ATP6V0E1: variants seen among roughly 807,000 people sequenced by gnomAD.
ATP6V0E1 encodes V-type proton ATPase subunit e 1.
ATP6V0E1 carries 4 observed loss-of-function variants against 11.6 expected under a neutral mutation model. The observed-to-expected ratio is 0.35, with a 90% confidence interval of 0.17 to 0.79. The LOEUF (loss-of-function observed/expected upper bound fraction) is 0.79. Ranked by LOEUF, ATP6V0E1 falls within the 30% of genes least tolerant of loss-of-function variation. ATP6V0E1 has a pLI of 0.54. For missense variants in ATP6V0E1, 105 were observed against 100.0 expected, an observed-to-expected ratio of 1.05 and a Z score of -0.21; for synonymous variants, 36 against 34.8, an observed-to-expected ratio of 1.04 and a Z score of -0.13.
At chr5:172,987,564 G>T (rs530231640) in intron 1 of ATP6V0E1, among the ~76,000 whole-genome samples, 1 of 151,692 alleles carries the variant, frequency 6.6e-6, no homozygotes, top group South Asian at 2.1e-4. Flanking sequence ...GATTACAGGT[G>T]TGAGCTGCCA....
At chr5:173,034,287 T>G (rs1473866363) in intron 3 of ATP6V0E1, 112 bp from the exon 4 acceptor site, 2 of 679,610 alleles carry the variant, frequency 2.9e-6, no homozygotes, top group African/African-American at 3.5e-5. Flanking sequence ...TCATATTTTG[T>G]TGAGCATCTG....
At chr5:172,996,561 C>CAA (rs55994987) in intron 2 of ATP6V0E1, among the ~76,000 whole-genome samples, 5 of 119,466 alleles carry the variant, frequency 4.2e-5, no homozygotes, top group African/African-American at 1.3e-4. Context: ...GACTCCGCCT[C>CAA]AAAAAAAAAA....
intron 2 of ATP6V0E1, among the ~76,000 whole-genome samples, chr5:172,998,190 CT>C (rs999790390): frequency 0.022 from 2,329 of 104,862 alleles, 16 homozygotes; most frequent in Middle Eastern, 0.057. Flanking sequence ...AAAATTTAGT[CT>C]TTTTTTTTTT....
intron 3 of ATP6V0E1, among the ~76,000 whole-genome samples, chr5:173,031,692 G>T (rs1343984425): frequency 6.6e-6 from 1 of 151,566 alleles, no homozygotes; most frequent in Non-Finnish European, 1.5e-5. Flanking sequence ...AGTGGCGGGC[G>T]CCTGTAGTCC....
chr5:172,999,404 G>T (rs1012658021), intron 2 of ATP6V0E1, among the ~76,000 whole-genome samples: 26 of 151,752 alleles, frequency 1.7e-4, no homozygotes, highest in African/African-American at 6.3e-4. Flanking sequence ...GTTCACTGCA[G>T]CCTCAAACTC....
intron 1 of ATP6V0E1, among the ~76,000 whole-genome samples, chr5:172,985,822 A>C (rs180748223): frequency 6.6e-6 from 1 of 152,332 alleles, no homozygotes. Flanking sequence ...GTCACTTAAC[A>C]AAAGGACTAT....
intron 3 of ATP6V0E1, among the ~76,000 whole-genome samples, chr5:173,022,128 G>C (rs1212735221): frequency 6.6e-6 from 1 of 152,212 alleles, no homozygotes; most frequent in African/African-American, 2.4e-5. Flanking sequence ...TTATTCACTG[G>C]CCGAGAGTCA....
intron 3 of ATP6V0E1, among the ~76,000 whole-genome samples, chr5:173,023,137 A>G (rs556475777): frequency 1.3e-5 from 2 of 152,244 alleles, no homozygotes; most frequent in East Asian, 3.9e-4. Flanking sequence ...GATTATGGCC[A>G]TCAGCCACCG....
chr5:172,994,991 A>T (rs192962545), intron 2 of ATP6V0E1, among the ~76,000 whole-genome samples, 169 bp downstream of exon 2: 3 of 152,242 alleles, frequency 2.0e-5, no homozygotes, highest in African/African-American at 7.2e-5. Context: ...TTGTACAGAT[A>T]CTCTATCCTT....
chr5:173,013,993 A>G (rs1343268197), intron 2 of ATP6V0E1, among the ~76,000 whole-genome samples: 2 of 152,132 alleles, frequency 1.3e-5, no homozygotes, highest in Non-Finnish European at 2.9e-5. Flanking sequence ...GTGGAACCCC[A>G]TCTCCACTAA....
chr5:173,034,101 C>G (rs1256996022), intron 3 of ATP6V0E1, among the ~76,000 whole-genome samples: 1 of 152,112 alleles, frequency 6.6e-6, no homozygotes, highest in Non-Finnish European at 1.5e-5. Flanking sequence ...CTTGAAACTG[C>G]GGTGAATTCA....
intron 1 of ATP6V0E1, among the ~76,000 whole-genome samples, chr5:172,992,028 TTC>T (rs113229000): frequency 1.2e-4 from 17 of 144,424 alleles, no homozygotes; most frequent in Non-Finnish European, 2.2e-4. Flanking sequence ...CTGTCTTTCT[TTC>T]TCTCTCTCTC....
chr5:173,016,276 A>G (rs1040652383), intron 2 of ATP6V0E1, among the ~76,000 whole-genome samples: 7 of 152,278 alleles, frequency 4.6e-5, no homozygotes, highest in African/African-American at 1.4e-4. Flanking sequence ...ATTGAATTGG[A>G]GGACACCCAG....
chr5:173,009,403 TAAAAAC>T (rs1756281517), intron 2 of ATP6V0E1, among the ~76,000 whole-genome samples: 1 of 143,760 alleles, frequency 7.0e-6, no homozygotes, highest in East Asian at 2.1e-4. Flanking sequence ...ATCTCAAAGA[TAAAAAC>T]AAAAATTCCC....
intron 2 of ATP6V0E1, among the ~76,000 whole-genome samples, chr5:173,017,315 C>T (rs1343656264): frequency 1.3e-5 from 2 of 151,150 alleles, no homozygotes; most frequent in East Asian, 2.0e-4. Flanking sequence ...GGGCGGATCA[C>T]GTGAGATCAG....
At chr5:173,006,670 A>G (rs1227551699) in intron 2 of ATP6V0E1, among the ~76,000 whole-genome samples, 1 of 152,166 alleles carries the variant, frequency 6.6e-6, no homozygotes, top group East Asian at 1.9e-4. Flanking sequence ...GGCCTTGTCC[A>G]CTGTTTGCTG....
At chr5:173,001,838 C>T (rs1244867285) in intron 2 of ATP6V0E1, among the ~76,000 whole-genome samples, 1 of 151,946 alleles carries the variant, frequency 6.6e-6, no homozygotes, top group Non-Finnish European at 1.5e-5. Context: ...CTTGCCTCAG[C>T]CTCCCGAGTA....
At chr5:173,022,925 G>A (rs1756506091) in intron 3 of ATP6V0E1, among the ~76,000 whole-genome samples, 1 of 152,088 alleles carries the variant, frequency 6.6e-6, no homozygotes, top group South Asian at 2.1e-4. Context: ...GAGTGCAGTG[G>A]TGTGATCATA....
chr5:172,987,882 CGTT>C (rs1421118639), intron 1 of ATP6V0E1, among the ~76,000 whole-genome samples: 1 of 151,628 alleles, frequency 6.6e-6, no homozygotes, highest in East Asian at 1.9e-4. Flanking sequence ...CCAGCTAATT[CGTT>C]GTTGTTGTTT....
Sources: allele counts gnomAD v4.1 joint callset (sites outside exome capture counted in the v4.1 genomes callset), GRCh38; gene constraint gnomAD v4.1.1; transcripts MANE v1.5; gene names NCBI Gene and HGNC (gene_info 2026-07-23, HGNC 2026-07-21).